SLC5A1: variants seen among roughly 807,000 people sequenced by gnomAD.
SLC5A1 encodes sodium/glucose cotransporter 1.
SLC5A1 carries 42 observed loss-of-function variants against 73.5 expected under a neutral mutation model. The ratio of observed to expected loss-of-function variants is 0.57; its 90% CI spans 0.45 to 0.74. SLC5A1 has a LOEUF of 0.74. Ranked by LOEUF, SLC5A1 falls within the 30% of genes least tolerant of loss-of-function variation. The pLI is 0.00. For missense variants in SLC5A1, 634 were observed against 855.4 expected (o/e 0.74, Z 3.23); for synonymous variants, 300 against 317.4 (o/e 0.95, Z 0.58).
rs79728441 is a variant in SLC5A1, at chr22:32,080,671, G to C, written c.478-1195G>C. Among the ~76,000 whole-genome samples, 1,250 of 152,318 alleles carry C rather than the reference G, an allele frequency of 8.2e-3. 61 individuals are homozygous for C. The highest frequency in any genetic ancestry group is 0.065 in the Admixed American group (993 of 15,298). Reference sequence around the variant, plus strand: ...TCGTGCATTCATTCCATCTAGGGAAGTCCAGTTTCGTCCACACCTGGAGAT... The same window carrying C: ...TCGTGCATTCATTCCATCTAGGGAACTCCAGTTTCGTCCACACCTGGAGAT... On this transcript the variant is annotated intron_variant, in intron 5 of 14. Coordinates refer to ENST00000266088, the MANE Select transcript of SLC5A1 (RefSeq NM_000343.4).
In SLC5A1 at chr22:32,110,421, T is replaced by C. The variant is rs1317300466; in HGVS notation, c.*208T>C. 1.6e-6 allele frequency: 1 copy of C among 608,606 alleles called. No individual in the cohort carries two copies. The highest frequency in any genetic ancestry group is 2.9e-5 in the East Asian group (1 of 34,884). 37.7% of individuals were successfully genotyped at this position (608,606 alleles called of 1,614,324 possible). ...GAAGCCAGTGTGATACAGCCATCTGTACCTACTGGAGCTGCAGAAGGGAAG... is the reference window on the plus strand; with the variant it reads ...GAAGCCAGTGTGATACAGCCATCTGCACCTACTGGAGCTGCAGAAGGGAAG... On this transcript the variant is annotated 3_prime_UTR_variant, in exon 15 of 15. Transcript: ENST00000266088.
chr22:32,059,306 G>A (rs1011794110), intron 2 of SLC5A1: 63 of 985,654 alleles, frequency 6.4e-5, no homozygotes, highest in Non-Finnish European at 7.5e-5. Context: ...AAGTGGGGAT[G>A]TGACACGCAC....
At chr22:32,068,936 A>G (rs1236440346) in intron 5 of SLC5A1, among the ~76,000 whole-genome samples, 1 of 152,216 alleles carries the variant, frequency 6.6e-6, no homozygotes, top group East Asian at 1.9e-4. Flanking sequence ...GAATTGAAAT[A>G]AATATATCGA....
chr22:32,073,857 C>T (rs982582370), intron 5 of SLC5A1, among the ~76,000 whole-genome samples: 1 of 152,158 alleles, frequency 6.6e-6, no homozygotes, highest in Non-Finnish European at 1.5e-5. Context: ...CTGCGCCCGG[C>T]CCCCGGGTTG....
At chr22:32,082,246 C>T (rs1469820292) in intron 6 of SLC5A1, among the ~76,000 whole-genome samples, 1 of 152,090 alleles carries the variant, frequency 6.6e-6, no homozygotes, top group Non-Finnish European at 1.5e-5. Flanking sequence ...GATGACTTAG[C>T]TAAGGTGGGA....
chr22:32,089,058 T>C lies in SLC5A1; in HGVS notation c.1130-2554T>C, dbSNP rs1054758163. ...TTGTTGAGTAATTAAATGAATGGGG[T>C]CTGATAAGAGTGTCATACAGTGGGG... is the stretch of plus-strand genomic sequence containing the variant. On this transcript the variant is annotated intron_variant, in intron 10 of 14. Transcript: ENST00000266088. 2.0e-5 allele frequency among the ~76,000 whole-genome samples: 3 copies of C among 152,212 alleles called. No homozygotes were observed. In the South Asian group the frequency reaches 6.2e-4, roughly 31 times the overall value.
chr22:32,067,070 G>A (rs201074210), intron 3 of SLC5A1, 31 bp downstream of exon 3: 19 of 1,511,530 alleles, frequency 1.3e-5, no homozygotes, highest in African/African-American at 2.7e-5. Context: ...GGTGCACTGG[G>A]GCTGGAAGGA....
chr22:32,070,013 G>C (rs986830519), intron 5 of SLC5A1, among the ~76,000 whole-genome samples: 31 of 152,060 alleles, frequency 2.0e-4, no homozygotes, highest in African/African-American at 6.5e-4. Context: ...CTCTCTGGGG[G>C]ATGTTTACTC....
At chr22:32,083,870 C>A (rs117275153) in intron 7 of SLC5A1, among the ~76,000 whole-genome samples, 1 of 152,312 alleles carries the variant, frequency 6.6e-6, no homozygotes, top group East Asian at 1.9e-4. Context: ...CCCCAGCAGG[C>A]CTTGGGTGTT....
At chr22:32,052,336 T>TA (rs2093946145) in intron 2 of SLC5A1, among the ~76,000 whole-genome samples, 1 of 152,218 alleles carries the variant, frequency 6.6e-6, no homozygotes, top group African/African-American at 2.4e-5. Flanking sequence ...CAAGTCCTCT[T>TA]GGGTAAAATA....
chr22:32,071,123 T>C (rs1342872452), intron 5 of SLC5A1, among the ~76,000 whole-genome samples: 1 of 152,128 alleles, frequency 6.6e-6, no homozygotes, highest in African/African-American at 2.4e-5. Context: ...AGTGAATTTA[T>C]CTGAAAACAC....
chr22:32,058,358 C>A (rs1334853578), intron 2 of SLC5A1, among the ~76,000 whole-genome samples: 1 of 152,172 alleles, frequency 6.6e-6, no homozygotes, highest in African/African-American at 2.4e-5. Flanking sequence ...CCCATCTCTA[C>A]AAAAATTTTT....
intron 1 of SLC5A1, among the ~76,000 whole-genome samples, chr22:32,047,524 AAAC>A (rs1388986108): frequency 6.6e-6 from 1 of 151,486 alleles, no homozygotes; most frequent in Non-Finnish European, 1.5e-5. Context: ...ATTCCCAAAA[AAAC>A]TGCTACAGAG....
intron 14 of SLC5A1, among the ~76,000 whole-genome samples, chr22:32,107,397 T>A (rs935853810): frequency 1.3e-5 from 2 of 152,234 alleles, no homozygotes; most frequent in Non-Finnish European, 2.9e-5. Context: ...GGCAAGATAG[T>A]GCAGAGATAG....
intron 14 of SLC5A1, among the ~76,000 whole-genome samples, chr22:32,105,871 A>G (rs947669095): frequency 3.9e-5 from 6 of 152,314 alleles, no homozygotes; most frequent in Non-Finnish European, 8.8e-5. Flanking sequence ...TTCACTTAAC[A>G]TAATGATCTC....
At chr22:32,067,119 G>A in intron 3 of SLC5A1, 80 bp downstream of exon 3, 1 of 1,195,734 alleles carries the variant, frequency 8.4e-7, no homozygotes, top group Non-Finnish European at 1.2e-6. Context: ...GCTCAGAGGA[G>A]CTGAAGATGT....
At position 32,085,088 on chromosome 22, in the gene SLC5A1, T is replaced by C. The variant is rs1603129712; in HGVS notation, c.1021+53T>C. ...CACTCTCCCTTTTTCTGTCTCCAAG[T>C]CACTTCTAAAGCTCTATAGCTTCCC... is the stretch of plus-strand genomic sequence containing the variant. On this transcript the variant is annotated intron_variant, in intron 9 of 14. Transcript: ENST00000266088. 3.2e-5 allele frequency: 51 copies of C among 1,608,496 alleles called. No individual in the cohort carries two copies. The East Asian group carries it at 1.1e-3, about 35-fold the overall frequency.
At chr22:32,049,095 T>TAA (rs202224099) in intron 1 of SLC5A1, among the ~76,000 whole-genome samples, 62,370 of 131,172 alleles carry the variant, frequency 0.48, 16,954 homozygotes, top group East Asian at 0.77. Context: ...TAAATAAATA[T>TAA]ATATATATAT....
chr22:32,048,006 G>A (rs764039312), intron 1 of SLC5A1, among the ~76,000 whole-genome samples: 2 of 152,008 alleles, frequency 1.3e-5, no homozygotes, highest in Non-Finnish European at 2.9e-5. Flanking sequence ...ACAAAAATTA[G>A]CCAGGCGTGG....
Sources: gnomAD v4.1 joint callset for allele counts (sites outside exome capture counted in the v4.1 genomes callset) on GRCh38, gnomAD v4.1.1 for gene constraint, MANE v1.5 for transcripts, NCBI Gene and HGNC (gene_info 2026-07-23, HGNC 2026-07-21) for gene names.